The following SLC44A5 variants were observed in gnomAD, a reference collection of about 807,000 sequenced individuals.
SLC44A5 encodes choline transporter-like protein 5.
A neutral mutation model predicts 101.8 loss-of-function variants in SLC44A5; 57 were observed. The ratio of observed to expected loss-of-function variants is 0.56; its 90% CI spans 0.45 to 0.70. The LOEUF (loss-of-function observed/expected upper bound fraction) is 0.70. SLC44A5 is among the 30% of genes least tolerant of loss of function. The pLI, the probability that SLC44A5 is intolerant of heterozygous loss-of-function variation, is 0.00. For missense variants in SLC44A5, 737 were observed against 853.1 expected, an observed-to-expected ratio of 0.86 and a Z score of 1.70; for synonymous variants, 281 against 290.9, an observed-to-expected ratio of 0.97 and a Z score of 0.35.
At chr1:75,401,665 A>G (rs1187319873) in intron 2 of SLC44A5, among the ~76,000 whole-genome samples, 1 of 152,036 alleles carries the variant, frequency 6.6e-6, no homozygotes, top group Admixed American at 6.6e-5. Context: ...AGGAGAATGA[A>G]CACATTTGAC....
At chr1:75,599,167 T>G (rs1674823883) in intron 1 of SLC44A5, among the ~76,000 whole-genome samples, 1 of 152,072 alleles carries the variant, frequency 6.6e-6, no homozygotes, top group Non-Finnish European at 1.5e-5. Context: ...CATTTTGGAT[T>G]AAAGGATAAA....
At chr1:75,575,225 T>C (rs1255869711) in intron 1 of SLC44A5, among the ~76,000 whole-genome samples, 1 of 152,250 alleles carries the variant, frequency 6.6e-6, no homozygotes, top group Non-Finnish European at 1.5e-5. Flanking sequence ...CTGATTATAT[T>C]GTTTCACCAG....
intron 3 of SLC44A5, among the ~76,000 whole-genome samples, chr1:75,358,027 C>T (rs536268303): frequency 2.6e-5 from 4 of 151,678 alleles, no homozygotes; most frequent in African/African-American, 4.8e-5. Flanking sequence ...CACACACACA[C>T]ATACAATACA....
At chr1:75,302,564 A>T (rs889380757) in intron 4 of SLC44A5, among the ~76,000 whole-genome samples, 2 of 152,204 alleles carry the variant, frequency 1.3e-5, no homozygotes, top group Non-Finnish European at 2.9e-5. Flanking sequence ...TGAACTGCGG[A>T]TGGCCCCAAA....
At chr1:75,392,494 T>TA (rs36050213) in intron 3 of SLC44A5, among the ~76,000 whole-genome samples, 33,226 of 151,826 alleles carry the variant, frequency 0.22, 4,792 homozygotes, top group East Asian at 0.81. Flanking sequence ...ATAAAAAAGT[T>TA]AAAAAATAAC....
rs1180295983 is a variant in SLC44A5 at position 75,264,131 on chromosome 1, A to T, written c.260+10827T>A. Reference sequence around the variant, plus strand: ...GTATCCCATCACTTAAAGTATTTAAAAAAAAAAAAAAAAAAAGGAATAGCA... The same window carrying T: ...GTATCCCATCACTTAAAGTATTTAATAAAAAAAAAAAAAAAAGGAATAGCA... On this transcript the variant is annotated intron_variant, in intron 6 of 23. Transcript: ENST00000370859. 4.6e-4 allele frequency among the ~76,000 whole-genome samples: 7 copies of T among 15,172 alleles called. No homozygotes were observed. In the Admixed American group the frequency reaches 8.2e-3, roughly 18 times the overall value. The allele number at this position is 15,172 out of a possible 152,430, so 10.0% of individuals were successfully genotyped here. A position where few individuals can be genotyped will look rare whatever the true frequency, so the allele number is the denominator to read the frequency against.
At chr1:75,591,825 A>G (rs1156233935) in intron 1 of SLC44A5, among the ~76,000 whole-genome samples, 5 of 94,216 alleles carry the variant, frequency 5.3e-5, no homozygotes, top group African/African-American at 2.1e-4. Flanking sequence ...AACAGTCAAC[A>G]TCCTTTCATG....
At chr1:75,562,546 A>C (rs1672574463) in intron 1 of SLC44A5, among the ~76,000 whole-genome samples, 1 of 151,964 alleles carries the variant, frequency 6.6e-6, no homozygotes, top group Non-Finnish European at 1.5e-5. Context: ...AGAGTTACAA[A>C]AATTAGCCGA....
At chr1:75,348,149 CCTCTCTCTCTCTTT>C (rs1658390181) in intron 3 of SLC44A5, among the ~76,000 whole-genome samples, 2 of 151,442 alleles carry the variant, frequency 1.3e-5, no homozygotes, top group Admixed American at 6.6e-5. Context: ...CTCTCTCTCT[CCTCTCTCTCTCTTT>C]CTCTCTCTCT....
At chr1:75,292,011 CA>C (rs768550940) in intron 5 of SLC44A5, among the ~76,000 whole-genome samples, 29 of 52,236 alleles carry the variant, frequency 5.6e-4, no homozygotes, top group Admixed American at 7.3e-4. Context: ...GACTCTGTCT[CA>C]AAAAAAAAAA....
chr1:75,583,892 CA>C (rs1309903127), intron 1 of SLC44A5, among the ~76,000 whole-genome samples: 14 of 152,188 alleles, frequency 9.2e-5, no homozygotes, highest in African/African-American at 2.9e-4. Flanking sequence ...AAAGGCAGAT[CA>C]CAGACCAGTT....
At chr1:75,474,215 C>A (rs1160877651) in intron 2 of SLC44A5, among the ~76,000 whole-genome samples, 1 of 152,112 alleles carries the variant, frequency 6.6e-6, no homozygotes, top group South Asian at 2.1e-4. Flanking sequence ...ATTTAGATTT[C>A]TTTGTCATAC....
At chr1:75,467,065 A>G (rs549432815) in intron 2 of SLC44A5, among the ~76,000 whole-genome samples, 1 of 152,314 alleles carries the variant, frequency 6.6e-6, no homozygotes, top group South Asian at 2.1e-4. Context: ...AAAGAAATTT[A>G]AAAAGTAATC....
chr1:75,717,173 A>G, the SLC44A5 span, among the ~76,000 whole-genome samples: 1 of 152,054 alleles, frequency 6.6e-6, no homozygotes, highest in Non-Finnish European at 1.5e-5. Flanking sequence ...GCATTTACAC[A>G]GGAACAGAAA....
rs141767657 is a variant in SLC44A5, at chr1:75,464,568, T to G, written c.14-67947A>C. Reference sequence around the variant, plus strand: ...CTTATTTATTAATAATAACGTTGAATGTAAATGGACTAAACTCTTCAGTCA... The same window carrying G: ...CTTATTTATTAATAATAACGTTGAAGGTAAATGGACTAAACTCTTCAGTCA... On this transcript the variant is annotated intron_variant, in intron 2 of 23. Coordinates refer to ENST00000370859, the MANE Select transcript of SLC44A5 (RefSeq NM_001130058.2). Among the ~76,000 whole-genome samples the G allele has an allele frequency of 9.1e-4, 138 of 152,038 alleles. 1 individual carries two copies. The Middle Eastern group carries it at 0.01, about 11-fold the overall frequency.
chr1:75,436,940 A>G (rs1235806495), intron 2 of SLC44A5, among the ~76,000 whole-genome samples: 1 of 152,092 alleles, frequency 6.6e-6, no homozygotes, highest in Non-Finnish European at 1.5e-5. Context: ...CGAGGTTAGG[A>G]TCGTCAGTAT....
intron 1 of SLC44A5, among the ~76,000 whole-genome samples, chr1:75,597,993 A>G (rs1674748810): frequency 6.6e-6 from 1 of 152,160 alleles, no homozygotes; most frequent in South Asian, 2.1e-4. Flanking sequence ...CTACCAACAG[A>G]GTAAAAAGAA....
chr1:75,356,386 T>C (rs1416749931), intron 3 of SLC44A5, among the ~76,000 whole-genome samples: 1 of 151,846 alleles, frequency 6.6e-6, no homozygotes, highest in Middle Eastern at 3.2e-3. Context: ...AACATGTATG[T>C]TTGTGTCTCT....
intron 11 of SLC44A5, among the ~76,000 whole-genome samples, chr1:75,236,470 T>C (rs1053159109): frequency 6.6e-6 from 1 of 152,050 alleles, no homozygotes; most frequent in African/African-American, 2.4e-5. Context: ...TATACATATA[T>C]ATTTATGTAT....
Sources: gnomAD v4.1 joint callset for allele counts (sites outside exome capture counted in the v4.1 genomes callset) on GRCh38, gnomAD v4.1.1 for gene constraint, MANE v1.5 for transcripts, NCBI Gene and HGNC (gene_info 2026-07-23, HGNC 2026-07-21) for gene names.